Variants in LIMCH1 observed in about 807,000 individuals in gnomAD.
LIMCH1 encodes the protein LIM and calponin homology domains 1.
Under a neutral mutation model 176.5 loss-of-function variants are expected in LIMCH1, and 113 were observed. That is an observed-to-expected ratio of 0.64 (90% CI 0.55 to 0.75). LIMCH1 has a LOEUF of 0.75. Ranked by LOEUF, LIMCH1 falls within the 30% of genes least tolerant of loss-of-function variation. The probability of loss-of-function intolerance (pLI) is 0.00; values close to 1 mark genes in which losing one functional copy is unlikely to be tolerated. For missense variants in LIMCH1, 1,674 were observed against 1,814.9 expected, an observed-to-expected ratio of 0.92 and a Z score of 1.41; for synonymous variants, 619 against 645.9, an observed-to-expected ratio of 0.96 and a Z score of 0.63.
intron 1 of LIMCH1, among the ~76,000 whole-genome samples, chr4:41,430,719 T>C (rs1292173241): frequency 1.3e-5 from 2 of 152,242 alleles, no homozygotes; most frequent in Non-Finnish European, 2.9e-5. Flanking sequence ...TTTTACATAA[T>C]GTTTGGGTCC....
Position 41,620,704 on chromosome 4 carries a change from T to A in LIMCH1, c.725+14T>A. On this transcript the variant is annotated intron_variant, in intron 7 of 31. Transcript: ENST00000503057. ...GCGCTTTGCCAGGTCAGCTCTGGGCTGAGGGCTGGCCCGGCTGGCTTTCTG... is the reference window on the plus strand; with the variant it reads ...GCGCTTTGCCAGGTCAGCTCTGGGCAGAGGGCTGGCCCGGCTGGCTTTCTG... 3 of 1,524,354 alleles carry A rather than the reference T, an allele frequency of 2.0e-6. No individual in the cohort carries two copies. Among genetic ancestry groups the A allele is most frequent in the Non-Finnish European group, 2.6e-6 (3 of 1,139,530 alleles). 94.4% of individuals were successfully genotyped at this position (1,524,354 alleles called of 1,614,324 possible). A position where few individuals can be genotyped will look rare whatever the true frequency, so the allele number is the denominator to read the frequency against.
intron 1 of LIMCH1, among the ~76,000 whole-genome samples, chr4:41,390,515 G>T (rs2057111707): frequency 6.6e-6 from 1 of 152,138 alleles, no homozygotes; most frequent in African/African-American, 2.4e-5. Flanking sequence ...TGGCAATTAG[G>T]GTTGCCAGAT....
At chr4:41,605,866 A>G (rs1357787960) in intron 3 of LIMCH1, 28 bp from the exon 4 acceptor site, 2 of 1,445,484 alleles carry the variant, frequency 1.4e-6, no homozygotes, top group Non-Finnish European at 1.9e-6. Flanking sequence ...TGAGGGAAAA[A>G]TCTGCTCTTG....
At chr4:41,659,335 G>A (rs2152972236) in intron 18 of LIMCH1, among the ~76,000 whole-genome samples, 1 of 152,222 alleles carries the variant, frequency 6.6e-6, no homozygotes, top group East Asian at 1.9e-4. Context: ...ATTGATACAT[G>A]ACTATCTGTC....
intron 1 of LIMCH1, among the ~76,000 whole-genome samples, chr4:41,361,538 G>A (rs1326841320): frequency 6.6e-6 from 1 of 152,198 alleles, no homozygotes; most frequent in Non-Finnish European, 1.5e-5. Flanking sequence ...GCACGCATCC[G>A]CATAGACGCT....
At chr4:41,685,875 A>G in intron 28 of LIMCH1, 45 bp downstream of exon 28, 1 of 1,595,992 alleles carries the variant, frequency 6.3e-7, no homozygotes, top group South Asian at 1.1e-5. Flanking sequence ...TTTTTTAAAA[A>G]TTCATTTAGT....
intron 1 of LIMCH1, among the ~76,000 whole-genome samples, chr4:41,542,117 C>T (rs2078745637): frequency 6.6e-6 from 1 of 152,104 alleles, no homozygotes; most frequent in Admixed American, 6.5e-5. Flanking sequence ...CCTCATTACA[C>T]ATCCTGGGAT....
At chr4:41,603,079 G>A (rs889970921) in intron 2 of LIMCH1, among the ~76,000 whole-genome samples, 1 of 152,032 alleles carries the variant, frequency 6.6e-6, no homozygotes, top group Non-Finnish European at 1.5e-5. Flanking sequence ...AGTAATCAGG[G>A]TCTAAATACT....
intron 1 of LIMCH1, among the ~76,000 whole-genome samples, chr4:41,430,293 T>C (rs10009684): frequency 0.27 from 40,441 of 152,092 alleles, 7,548 homozygotes; most frequent in African/African-American, 0.52. Flanking sequence ...GACAGAGTCT[T>C]GCTCTGTTGC....
chr4:41,501,426 G>A (rs781100457), intron 2 of LIMCH1, among the ~76,000 whole-genome samples: 13 of 152,120 alleles, frequency 8.5e-5, no homozygotes, highest in Non-Finnish European at 1.5e-5. Context: ...TGGCTTAGAA[G>A]GCCGAAAAGA....
At chr4:41,670,022 GCATT>G (rs1159655929) in intron 21 of LIMCH1, among the ~76,000 whole-genome samples, 1 of 152,082 alleles carries the variant, frequency 6.6e-6, no homozygotes, top group Non-Finnish European at 1.5e-5. Context: ...ACACACCCAG[GCATT>G]CAGTTTTTAA....
intron 1 of LIMCH1, among the ~76,000 whole-genome samples, chr4:41,376,178 C>T (rs2054743587): frequency 6.6e-6 from 1 of 152,002 alleles, no homozygotes; most frequent in African/African-American, 2.4e-5. Context: ...ATGTACTTGC[C>T]ATTATAGTTT....
chr4:41,596,351 G>C (rs1367064909), intron 1 of LIMCH1, among the ~76,000 whole-genome samples: 1 of 151,918 alleles, frequency 6.6e-6, no homozygotes, highest in Non-Finnish European at 1.5e-5. Flanking sequence ...ACCCAAATTG[G>C]AAGTCTGAGT....
intron 1 of LIMCH1, among the ~76,000 whole-genome samples, chr4:41,470,274 C>T (rs2066759277): frequency 6.6e-6 from 1 of 152,310 alleles, no homozygotes; most frequent in East Asian, 1.9e-4. Context: ...AATTTACTAT[C>T]TGCCCTGCAT....
At chr4:41,606,809 A>T (rs1317140915) in intron 4 of LIMCH1, among the ~76,000 whole-genome samples, 1 of 151,922 alleles carries the variant, frequency 6.6e-6, no homozygotes, top group East Asian at 1.9e-4. Context: ...TAATTATTTT[A>T]TTTTTTTGAG....
rs1400820408 is a variant in LIMCH1 at position 41,634,765 on chromosome 4, CTA to C, written c.2090+959_2090+960del. 5.3e-5 allele frequency among the ~76,000 whole-genome samples: 8 copies of C among 152,302 alleles called. No individual in the cohort carries two copies. The East Asian group carries it at 1.5e-3, about 29-fold the overall frequency. ...GAATTCACAGGTAGGTTGAAGGAAT[CTA>C]TGTTAGCTCCATTTCACAAATAAGA... On this transcript the variant is annotated intron_variant, in intron 13 of 31. Coordinates refer to ENST00000503057, the MANE Select transcript of LIMCH1 (RefSeq NM_001330672.2).
intron 2 of LIMCH1, among the ~76,000 whole-genome samples, chr4:41,516,381 T>C (rs1470328722): frequency 1.3e-5 from 2 of 152,204 alleles, no homozygotes; most frequent in East Asian, 3.9e-4. Context: ...TCTGTAGAAA[T>C]GCAAAAAGTG....
intron 1 of LIMCH1, among the ~76,000 whole-genome samples, chr4:41,426,017 C>CTTTTTTTTTT (rs913325890): frequency 9.7e-6 from 1 of 102,884 alleles, no homozygotes; most frequent in African/African-American, 3.8e-5. Flanking sequence ...TGAAAAGATT[C>CTTTTTTTTTT]TTTTTTTTTT....
chr4:41,383,721 A>G (rs2056064346), intron 1 of LIMCH1, among the ~76,000 whole-genome samples: 1 of 152,164 alleles, frequency 6.6e-6, no homozygotes, highest in Non-Finnish European at 1.5e-5. Flanking sequence ...ATCTATATCT[A>G]TAGATCTATC....
Sources: gnomAD v4.1 joint callset for allele counts (sites outside exome capture counted in the v4.1 genomes callset) on GRCh38, gnomAD v4.1.1 for gene constraint, MANE v1.5 for transcripts, NCBI Gene and HGNC (gene_info 2026-07-23, HGNC 2026-07-21) for gene names.